TRAM2: variants seen among roughly 807,000 people sequenced by gnomAD.
The protein encoded by TRAM2 is translocating chain-associated membrane protein 2.
Under a neutral mutation model 51.0 loss-of-function variants are expected in TRAM2, and 12 were observed. That is an observed-to-expected ratio of 0.24 (90% CI 0.15 to 0.38). The LOEUF is 0.38. TRAM2 is among the 10% of genes least tolerant of loss of function. The pLI is 1.00. For missense variants in TRAM2, 361 were observed against 462.0 expected, an observed-to-expected ratio of 0.78 and a Z score of 2.00; for synonymous variants, 175 against 179.4, an observed-to-expected ratio of 0.98 and a Z score of 0.20.
chr6:52,509,659 G>A, intron 4 of TRAM2, 73 bp from the exon 5 acceptor site: 5 of 1,433,586 alleles, frequency 3.5e-6, no homozygotes, highest in East Asian at 2.3e-5. Flanking sequence ...GACCGGTCCA[G>A]GGGTCAGGGA....
At chr6:52,507,140 C>G (rs1766364355) in intron 7 of TRAM2, among the ~76,000 whole-genome samples, 2 of 152,304 alleles carry the variant, frequency 1.3e-5, no homozygotes, top group South Asian at 4.1e-4. Flanking sequence ...GAAGGGAATT[C>G]CAGGGCTACG....
At chr6:52,507,351 T>C (rs534786232) in intron 7 of TRAM2, among the ~76,000 whole-genome samples, 1 of 152,234 alleles carries the variant, frequency 6.6e-6, no homozygotes, top group African/African-American at 2.4e-5. Context: ...TCCTTACTTA[T>C]GTCTATAACT....
At chr6:52,549,264 TTCCC>T (rs372321176) in intron 1 of TRAM2, among the ~76,000 whole-genome samples, 2 of 137,788 alleles carry the variant, frequency 1.5e-5, no homozygotes, top group South Asian at 2.6e-4. Flanking sequence ...CCTTCCCTCC[TTCCC>T]TCCCTCCCTC....
chr6:52,561,354 C>A (rs1190017633), intron 1 of TRAM2, among the ~76,000 whole-genome samples: 16 of 152,240 alleles, frequency 1.1e-4, no homozygotes, highest in African/African-American at 3.6e-4. Flanking sequence ...GCAATCTTGG[C>A]TCACTGCAAC....
intron 4 of TRAM2, among the ~76,000 whole-genome samples, chr6:52,512,510 G>A (rs1766469259): frequency 6.6e-6 from 1 of 152,204 alleles, no homozygotes; most frequent in South Asian, 2.1e-4. Context: ...CACCCTCTGA[G>A]CTCAGGCACG....
At position 52,502,982 on chromosome 6, in the gene TRAM2, A is replaced by G. The variant is rs914451391; in HGVS notation, c.*215T>C. 5 of 599,160 alleles carry G rather than the reference A, an allele frequency of 8.3e-6. No individual in the cohort carries two copies. Among genetic ancestry groups the G allele is most frequent in the Non-Finnish European group, 1.2e-5 (4 of 337,482 alleles). The allele number at this position is 599,160 out of a possible 1,614,324, so 37.1% of individuals were successfully genotyped here. A position where few individuals can be genotyped will look rare whatever the true frequency, so the allele number is the denominator to read the frequency against. ...GAGGTGGCCTGAGGGGGAGAAAGAG[A>G]AAGATTTTTGGCTTTATTGAGAATG... On this transcript the variant is annotated 3_prime_UTR_variant, in exon 11 of 11. Transcript: ENST00000182527.
chr6:52,537,934 C>T (rs1767004813), intron 1 of TRAM2, among the ~76,000 whole-genome samples: 1 of 152,180 alleles, frequency 6.6e-6, no homozygotes, highest in South Asian at 2.1e-4. Context: ...CTCTGTGAGA[C>T]CTTTCCAGGC....
At chr6:52,534,244 G>A (rs571787009) in intron 2 of TRAM2, among the ~76,000 whole-genome samples, 4 of 151,746 alleles carry the variant, frequency 2.6e-5, no homozygotes, top group African/African-American at 7.3e-5. Flanking sequence ...AGACTGGCAC[G>A]GTGGCGCATG....
intron 2 of TRAM2, among the ~76,000 whole-genome samples, chr6:52,526,353 GATGA>G (rs1247957062): frequency 6.6e-6 from 1 of 152,164 alleles, no homozygotes; most frequent in Non-Finnish European, 1.5e-5. Flanking sequence ...ATGTAGCAAA[GATGA>G]ATGAAGGGCT....
At chr6:52,503,373 C>T (rs562721593) in intron 10 of TRAM2, 103 bp from the exon 11 acceptor site, 2 of 1,037,898 alleles carry the variant, frequency 1.9e-6, no homozygotes, top group Non-Finnish European at 3.0e-6. Flanking sequence ...GGCAGCCCAG[C>T]TGCTATACAT....
intron 1 of TRAM2, among the ~76,000 whole-genome samples, chr6:52,536,263 C>T (rs908217830): frequency 1.3e-5 from 2 of 152,244 alleles, no homozygotes; most frequent in African/African-American, 4.8e-5. Flanking sequence ...TTCCACAGCA[C>T]TTTGGCTGCC....
chr6:52,559,253 T>C (rs1012565283), intron 1 of TRAM2, among the ~76,000 whole-genome samples: 7 of 152,166 alleles, frequency 4.6e-5, no homozygotes, highest in Non-Finnish European at 8.8e-5. Flanking sequence ...TCAGGAAAGA[T>C]CAGTGTAACA....
At chr6:52,576,760 A>G in intron 1 of TRAM2, 36 bp downstream of exon 1, 1 of 1,605,910 alleles carries the variant, frequency 6.2e-7, no homozygotes, top group South Asian at 1.1e-5. Flanking sequence ...GACAGGGGGC[A>G]CTGTCCCTCC....
In TRAM2 at chr6:52,516,640, C is replaced by T. The variant is rs1766554315; in HGVS notation, c.282G>A (p.Glu94=). 7 of 1,613,784 alleles carry T rather than the reference C, an allele frequency of 4.3e-6. No homozygotes were observed. Among genetic ancestry groups the T allele is most frequent in the Non-Finnish European group, 4.2e-6 (5 of 1,179,666 alleles). ...ACATGTCACTTACATCTAAAATGTA[C>T]TCCTGAACCACAGCATGCAAGATGA... The part of the protein sequence containing the change: ...ITIILHAVVQ[E]YILDKISKRL... The change falls in exon 3 of 11, where the codon GAG becomes GAA. Residue 94 remains glutamate, a synonymous_variant. Transcript: ENST00000182527.
chr6:52,527,492 T>G, intron 2 of TRAM2, among the ~76,000 whole-genome samples: 1 of 77,050 alleles, frequency 1.3e-5, no homozygotes, highest in African/African-American at 5.0e-5. Flanking sequence ...TGGGGTGGGG[T>G]CCAGGTCAGA....
intron 4 of TRAM2, among the ~76,000 whole-genome samples, chr6:52,513,544 T>C (rs2114067480): frequency 6.6e-6 from 1 of 151,924 alleles, no homozygotes; most frequent in Non-Finnish European, 1.5e-5. Flanking sequence ...TGGTGGGGGG[T>C]TCTCTGAGGA....
Position 52,505,671 on chromosome 6 carries a change from C to A in TRAM2, c.803G>T (p.Gly268Val), listed in dbSNP as rs1766334399. ...FILTLAVLAI[G>V]FGLARMENQA... Reference sequence around the variant, plus strand: ...GTTTTCCATGCGAGCCAGTCCAAAGCCAATGGCCAGCACGGCAAGGGTGAG... The same window carrying A: ...GTTTTCCATGCGAGCCAGTCCAAAGACAATGGCCAGCACGGCAAGGGTGAG... The change falls in exon 9 of 11, where the codon GGC becomes GTC. Residue 268 changes from glycine to valine, a missense_variant. Coordinates refer to ENST00000182527, the MANE Select transcript of TRAM2 (RefSeq NM_012288.4). 6.2e-7 allele frequency: 1 copy of A among 1,613,858 alleles called. No individual in the cohort carries two copies. Among genetic ancestry groups the A allele is most frequent in the Non-Finnish European group, 8.5e-7 (1 of 1,179,810 alleles).
intron 1 of TRAM2, among the ~76,000 whole-genome samples, chr6:52,547,709 C>T (rs888285395): frequency 3.3e-5 from 5 of 152,244 alleles, no homozygotes; most frequent in Admixed American, 6.5e-5. Flanking sequence ...CTGTTCTGCA[C>T]GTTCCCAGGG....
intron 1 of TRAM2, among the ~76,000 whole-genome samples, chr6:52,559,767 T>G (rs748386906): frequency 3.3e-5 from 5 of 152,226 alleles, no homozygotes; most frequent in African/African-American, 1.2e-4. Context: ...TTTTAAACTA[T>G]GTTCACAACA....
Sources: gnomAD v4.1 joint callset for allele counts (sites outside exome capture counted in the v4.1 genomes callset) on GRCh38, gnomAD v4.1.1 for gene constraint, MANE v1.5 for transcripts, NCBI Gene and HGNC (gene_info 2026-07-23, HGNC 2026-07-21) for gene names.